The following ADGRA1 variants were observed in gnomAD, a reference collection of about 807,000 sequenced individuals.
The protein encoded by ADGRA1 is G-protein coupled receptor 123.
ADGRA1 carries 12 observed loss-of-function variants against 21.3 expected under a neutral mutation model. The ratio of observed to expected loss-of-function variants is 0.56; its 90% CI spans 0.36 to 0.91. The LOEUF (loss-of-function observed/expected upper bound fraction) is 0.91. Among genes scored for constraint, ADGRA1 ranks in the 40% least tolerant of loss-of-function variants. The pLI is 0.01. For missense variants in ADGRA1, 790 were observed against 805.6 expected (o/e 0.98, Z 0.23); for synonymous variants, 385 against 368.8 (o/e 1.04, Z -0.50).
In ADGRA1 at chr10:133,104,681, G is replaced by A. The variant is rs114030757; in HGVS notation, c.401+1839G>A. 9.6e-3 allele frequency among the ~76,000 whole-genome samples: 1,467 copies of A among 152,256 alleles called. 26 individuals are homozygous for A. The highest frequency in any genetic ancestry group is 0.033 in the African/African-American group (1,374 of 41,548). On this transcript the variant is annotated intron_variant, in intron 5 of 6. Coordinates refer to ENST00000392607, the MANE Select transcript of ADGRA1 (RefSeq NM_001083909.3). ...TGGCAGGGGGTGTCCACACAGTGCC[G>A]TGTTCCAGCTGTGTTCCTTGGTTCC...
chr10:133,097,874 C>A (rs1214114381), intron 3 of ADGRA1, among the ~76,000 whole-genome samples: 1 of 152,300 alleles, frequency 6.6e-6, no homozygotes, highest in East Asian at 1.9e-4. Flanking sequence ...TGTGTCCCTG[C>A]ATGTGGAGGG....
intron 5 of ADGRA1, among the ~76,000 whole-genome samples, chr10:133,114,226 C>T (rs544507136): frequency 5.3e-5 from 8 of 152,324 alleles, no homozygotes; most frequent in South Asian, 2.1e-4. Flanking sequence ...CGGGACACAC[C>T]GCCACTGATG....
chr10:133,120,871 T>A (rs1852241135), intron 5 of ADGRA1, among the ~76,000 whole-genome samples: 1 of 152,280 alleles, frequency 6.6e-6, no homozygotes, highest in Non-Finnish European at 1.5e-5. Context: ...GCTTTTGACA[T>A]GCCTTCCTCA....
At chr10:133,098,892 G>A (rs538710978) in intron 4 of ADGRA1, 129 bp downstream of exon 4, 86 of 1,281,978 alleles carry the variant, frequency 6.7e-5, no homozygotes, top group African/African-American at 1.0e-4. Flanking sequence ...CTGGCACATC[G>A]GTGTCTCGGC....
At chr10:133,095,856 C>A in intron 2 of ADGRA1, 1 of 1,529,694 alleles carries the variant, frequency 6.5e-7, no homozygotes, top group African/African-American at 1.4e-5. Flanking sequence ...CAGCCGGAGC[C>A]ATCCCAGAGG....
intron 5 of ADGRA1, among the ~76,000 whole-genome samples, chr10:133,125,041 T>C (rs939417400): frequency 1.3e-5 from 2 of 152,258 alleles, no homozygotes; most frequent in African/African-American, 4.8e-5. Context: ...TGGGCCCCTC[T>C]ATCTCCCTGT....
intron 5 of ADGRA1, among the ~76,000 whole-genome samples, chr10:133,115,290 C>T (rs1181952241): frequency 6.6e-6 from 1 of 152,198 alleles, no homozygotes; most frequent in Admixed American, 6.5e-5. Flanking sequence ...GCGTCCACAT[C>T]GCCTCCAGCA....
At chr10:133,125,046 C>G (rs1317959989) in intron 5 of ADGRA1, among the ~76,000 whole-genome samples, 2 of 152,260 alleles carry the variant, frequency 1.3e-5, no homozygotes, top group Non-Finnish European at 1.5e-5. Flanking sequence ...CCCTCTATCT[C>G]CCTGTCTTAT....
chr10:133,098,326 TG>T (rs2135871096), intron 3 of ADGRA1, among the ~76,000 whole-genome samples: 1 of 152,246 alleles, frequency 6.6e-6, no homozygotes, highest in African/African-American at 2.4e-5. Flanking sequence ...TGAGACAGTG[TG>T]TGGCCAAGTC....
chr10:133,088,633 T>A (rs1382032834), intron 1 of ADGRA1, 75 bp from the exon 2 acceptor site: 2 of 995,014 alleles, frequency 2.0e-6, no homozygotes, highest in Non-Finnish European at 2.6e-6. Flanking sequence ...GGCTGCTCCC[T>A]GGCGGGGTCG....
At chr10:133,119,907 T>C (rs1302703584) in intron 5 of ADGRA1, among the ~76,000 whole-genome samples, 1 of 152,202 alleles carries the variant, frequency 6.6e-6, no homozygotes, top group Non-Finnish European at 1.5e-5. Context: ...GCAGAGTAGA[T>C]TGAGCATCAT....
Position 133,129,714 on chromosome 10 carries a change from T to TTCCTTGTGATCACACCCCTGCCCCC in ADGRA1, c.*212_*213insTCACACCCCTGCCCCCTCCTTGTGA. On this transcript the variant is annotated 3_prime_UTR_variant, in exon 7 of 7. Coordinates refer to ENST00000392607, the MANE Select transcript of ADGRA1 (RefSeq NM_001083909.3). ...TTCCTTGTGATCACACCCCTGCCCC[T>TTCCTTGTGATCACACCCCTGCCCCC]TCCTTGTGAAAGACCTCAGCGGGGA... 2.5e-6 allele frequency: 1 copy of TTCCTTGTGATCACACCCCTGCCCCC among 405,470 alleles called. No individual in the cohort carries two copies. Among genetic ancestry groups the TTCCTTGTGATCACACCCCTGCCCCC allele is most frequent in the African/African-American group, 2.2e-5 (1 of 44,602 alleles). The allele number at this position is 405,470 out of a possible 1,614,324, so 25.1% of individuals were successfully genotyped here. A position where few individuals can be genotyped will look rare whatever the true frequency, so the allele number is the denominator to read the frequency against.
intron 5 of ADGRA1, among the ~76,000 whole-genome samples, chr10:133,108,410 T>G (rs1851929833): frequency 6.6e-6 from 1 of 152,038 alleles, no homozygotes; most frequent in African/African-American, 2.4e-5. Context: ...TAAATGGGGC[T>G]AGGGTGACTC....
rs1852524707 is a variant in ADGRA1, at chr10:133,131,445, G to C, written c.*1934G>C. ...GGCATTGTTTGTTCTTTGTGAGGCT[G>C]GTTAATAGCATCCCCGTGTGTTTTT... is the stretch of plus-strand genomic sequence containing the variant. On this transcript the variant is annotated 3_prime_UTR_variant, in exon 7 of 7. Transcript: ENST00000392607. 1 of 152,330 alleles carries C rather than the reference G, an allele frequency of 6.6e-6. No individual in the cohort carries two copies. The highest frequency in any genetic ancestry group is 2.4e-5 in the African/African-American group (1 of 41,442). The allele number at this position is 152,330 out of a possible 1,614,324, so 9.4% of individuals were successfully genotyped here.
At chr10:133,106,675 A>T (rs961042178) in intron 5 of ADGRA1, among the ~76,000 whole-genome samples, 3 of 152,258 alleles carry the variant, frequency 2.0e-5, no homozygotes, top group African/African-American at 7.2e-5. Flanking sequence ...ACGGCAGCAG[A>T]CACCCATCCC....
chr10:133,099,227 G>A (rs955020558), intron 4 of ADGRA1, among the ~76,000 whole-genome samples: 4 of 150,554 alleles, frequency 2.7e-5, no homozygotes, highest in Admixed American at 6.6e-5. Context: ...CACCCCTCCA[G>A]GAGAAAGTGC....
At chr10:133,105,231 A>G (rs1851871543) in intron 5 of ADGRA1, among the ~76,000 whole-genome samples, 1 of 152,154 alleles carries the variant, frequency 6.6e-6, no homozygotes, top group East Asian at 1.9e-4. Flanking sequence ...CTCTGAAAAG[A>G]ATGCCCACAC....
In ADGRA1 at chr10:133,129,770, C is replaced by A; in HGVS notation, c.*259C>A. The A allele has an allele frequency of 2.1e-6, 1 of 469,408 alleles. No homozygotes were observed. Among genetic ancestry groups the A allele is most frequent in the Non-Finnish European group, 3.9e-6 (1 of 256,978 alleles). 29.1% of individuals were successfully genotyped at this position (469,408 alleles called of 1,614,324 possible). On this transcript the variant is annotated 3_prime_UTR_variant, in exon 7 of 7. Coordinates refer to ENST00000392607, the MANE Select transcript of ADGRA1 (RefSeq NM_001083909.3). ...TCCGGGCCACGCCCACTCCCCTTAT[C>A]CCAATTCCGCGTGCTGGTCCCGCAC...
Position 133,128,869 on chromosome 10 carries a change from G to C in ADGRA1, c.1041G>C (p.Pro347=). ...GCCGCGCCGCCTGCCTGCACTCGCCGGGACTGGGCCAGCCACGGGGCTTCG... is the reference window on the plus strand; with the variant it reads ...GCCGCGCCGCCTGCCTGCACTCGCCCGGACTGGGCCAGCCACGGGGCTTCG... ...ALGRAACLHS[P]GLGQPRGFAH... Residue 347 remains proline (P), a synonymous_variant, in exon 7 of 7, where the codon CCG becomes CCC. Coordinates refer to ENST00000392607, the MANE Select transcript of ADGRA1 (RefSeq NM_001083909.3). The C allele has an allele frequency of 6.3e-7, 1 of 1,576,158 alleles. No individual in the cohort carries two copies. Among genetic ancestry groups the C allele is most frequent in the Admixed American group, 1.8e-5 (1 of 56,116 alleles).
Sources: allele counts gnomAD v4.1 joint callset (sites outside exome capture counted in the v4.1 genomes callset), GRCh38; gene constraint gnomAD v4.1.1; transcripts MANE v1.5; gene names NCBI Gene and HGNC (gene_info 2026-07-23, HGNC 2026-07-21).